The following DLGAP1 variants were observed in gnomAD, a reference collection of about 807,000 sequenced individuals.
DLGAP1 encodes DLG associated protein 1.
A neutral mutation model predicts 90.8 loss-of-function variants in DLGAP1; 11 were observed. That is an observed-to-expected ratio of 0.12 (90% CI 0.08 to 0.20). The LOEUF is 0.20. Ranked by LOEUF, DLGAP1 falls within the 10% of genes least tolerant of loss-of-function variation. The pLI, the probability that DLGAP1 is intolerant of heterozygous loss-of-function variation, is 1.00. For synonymous variants in DLGAP1, 558 were observed against 540.7 expected, an observed-to-expected ratio of 1.03 and a Z score of -0.44; for missense variants, 1,050 against 1,333.8, an observed-to-expected ratio of 0.79 and a Z score of 3.31.
intron 1 of DLGAP1, among the ~76,000 whole-genome samples, chr18:4,365,304 G>A (rs895293686): frequency 2.6e-5 from 4 of 152,066 alleles, no homozygotes; most frequent in Non-Finnish European, 4.4e-5. Context: ...AAGCAGAAGC[G>A]CAAACTAAAC....
intron 2 of DLGAP1, among the ~76,000 whole-genome samples, chr18:4,021,732 G>A (rs918913961): frequency 5.3e-5 from 8 of 152,080 alleles, no homozygotes; most frequent in Non-Finnish European, 8.8e-5. Context: ...CCAAGTAGCT[G>A]GGATTGCAGG....
intron 7 of DLGAP1, among the ~76,000 whole-genome samples, chr18:3,638,235 C>A (rs1174597258): frequency 6.9e-6 from 1 of 145,198 alleles, no homozygotes; most frequent in African/African-American, 2.6e-5. Context: ...GCGTGAGCCA[C>A]CGTGCCCGGC....
At chr18:4,269,579 C>T (rs952885361) in intron 1 of DLGAP1, among the ~76,000 whole-genome samples, 2 of 151,934 alleles carry the variant, frequency 1.3e-5, no homozygotes, top group Non-Finnish European at 2.9e-5. Flanking sequence ...TGGTCTCGAT[C>T]TCCTGACCTT....
intron 1 of DLGAP1, among the ~76,000 whole-genome samples, chr18:4,180,428 T>C (rs1231559695): frequency 1.3e-5 from 2 of 152,176 alleles, no homozygotes; most frequent in Non-Finnish European, 2.9e-5. Context: ...ACATTTGACA[T>C]TGCCCTTTGT....
At position 4,380,549 on chromosome 18, in the gene DLGAP1, T is replaced by C. The variant is rs559081231; in HGVS notation, c.-267+74457A>G. ...TGTGAAGGTTGGTTACTTCTATACATGCTCCCAGTCTCAAGAAGCATACCA... is the reference window on the plus strand; with the variant it reads ...TGTGAAGGTTGGTTACTTCTATACACGCTCCCAGTCTCAAGAAGCATACCA... On this transcript the variant is annotated intron_variant, in intron 1 of 12. Coordinates refer to ENST00000315677, the MANE Select transcript of DLGAP1 (RefSeq NM_004746.4). 3.3e-5 allele frequency among the ~76,000 whole-genome samples: 5 copies of C among 152,298 alleles called. No homozygotes were observed. The South Asian group carries it at 8.3e-4, about 25-fold the overall frequency.
At chr18:4,073,750 G>T (rs902021098) in intron 2 of DLGAP1, among the ~76,000 whole-genome samples, 2 of 152,084 alleles carry the variant, frequency 1.3e-5, no homozygotes, top group African/African-American at 2.4e-5. Flanking sequence ...GACACTGATA[G>T]GAGAAGATAT....
chr18:3,799,406 C>T (rs937539480), intron 5 of DLGAP1, among the ~76,000 whole-genome samples: 2 of 151,724 alleles, frequency 1.3e-5, no homozygotes, highest in Non-Finnish European at 2.9e-5. Context: ...TTCTTCATAG[C>T]GTTCCTCTCA....
chr18:3,844,991 C>T (rs986712635), intron 4 of DLGAP1, among the ~76,000 whole-genome samples: 1 of 152,152 alleles, frequency 6.6e-6, no homozygotes, highest in Non-Finnish European at 1.5e-5. Flanking sequence ...ATACACATTT[C>T]ATTCTTATTA....
intron 10 of DLGAP1, among the ~76,000 whole-genome samples, chr18:3,523,887 G>C (rs1206221783): frequency 6.6e-6 from 1 of 151,556 alleles, no homozygotes; most frequent in Non-Finnish European, 1.5e-5. Flanking sequence ...TTGACACAGG[G>C]TTTGAACAAG....
chr18:4,433,260 G>A (rs942690050), intron 1 of DLGAP1, among the ~76,000 whole-genome samples: 4 of 152,212 alleles, frequency 2.6e-5, no homozygotes, highest in Non-Finnish European at 4.4e-5. Context: ...TTATTCATCT[G>A]TAATAAGGTG....
chr18:4,033,669 C>T (rs1203395309), intron 2 of DLGAP1, among the ~76,000 whole-genome samples: 2 of 151,662 alleles, frequency 1.3e-5, no homozygotes, highest in African/African-American at 4.8e-5. Context: ...TATTTTTTTC[C>T]AAATAATTCG....
intron 7 of DLGAP1, among the ~76,000 whole-genome samples, chr18:3,712,096 G>A (rs1381806750): frequency 6.6e-6 from 1 of 152,164 alleles, no homozygotes; most frequent in Non-Finnish European, 1.5e-5. Flanking sequence ...TTTTCTTTCT[G>A]CTCCTGAAGG....
chr18:3,807,578 CCCTCCTACTTAAAA>C, intron 5 of DLGAP1, among the ~76,000 whole-genome samples: 1 of 152,260 alleles, frequency 6.6e-6, no homozygotes, highest in Admixed American at 6.5e-5. Flanking sequence ...ATGTAAATAT[CCCTCCTACTTAAAA>C]AAAAATTATT....
chr18:3,879,191 TG>T lies in DLGAP1; in HGVS notation c.877del (p.Gln293ArgfsTer5). The T allele has an allele frequency of 6.5e-7, 1 of 1,533,310 alleles. No homozygotes were observed. Among genetic ancestry groups the T allele is most frequent in the Non-Finnish European group, 8.8e-7 (1 of 1,140,916 alleles). 95.0% of individuals were successfully genotyped at this position (1,533,310 alleles called of 1,614,324 possible). A position where few individuals can be genotyped will look rare whatever the true frequency, so the allele number is the denominator to read the frequency against. On this transcript the variant is annotated frameshift_variant, in exon 4 of 13. Transcript: ENST00000315677. LOFTEE classifies it high-confidence loss of function. This position sits in a 1 kb window ranked among gnomAD's most constrained non-coding sequence, Gnocchi z 6.6. ...LTVSRAREVY[Q>X]KASVNMDQAM... ...CTGGTCCATGTTCACCGAGGCCTTCTGGTAAACCTCCCGGGCCCGGCTCACG... is the reference window on the plus strand; with the variant it reads ...CTGGTCCATGTTCACCGAGGCCTTCTGTAAACCTCCCGGGCCCGGCTCACG...
chr18:3,567,043 T>TTCATTCATTCATTCATTCATTCATTTA (rs11421156), intron 9 of DLGAP1, among the ~76,000 whole-genome samples: 2 of 96,778 alleles, frequency 2.1e-5, no homozygotes, highest in African/African-American at 1.2e-4. Flanking sequence ...TATCTTCTTT[T>TTCATTCATTCATTCATTCATTCATTTA]TCATTCATTC....
intron 4 of DLGAP1, among the ~76,000 whole-genome samples, chr18:3,820,755 G>T (rs2067363092): frequency 6.6e-6 from 1 of 152,128 alleles, no homozygotes; most frequent in South Asian, 2.1e-4. Context: ...CAGTGCCTAT[G>T]TTACTTTATG....
At chr18:4,291,980 G>A (rs2079860634) in intron 1 of DLGAP1, among the ~76,000 whole-genome samples, 1 of 152,122 alleles carries the variant, frequency 6.6e-6, no homozygotes, top group African/African-American at 2.4e-5. Flanking sequence ...CTGGGGTACT[G>A]TTGACATTTG....
chr18:3,853,317 T>C (rs1264968070), intron 4 of DLGAP1, among the ~76,000 whole-genome samples: 1 of 152,136 alleles, frequency 6.6e-6, no homozygotes, highest in East Asian at 1.9e-4. Flanking sequence ...GAATTTCAGA[T>C]TTTTTCGGAT....
chr18:4,385,359 G>A (rs979929088), intron 1 of DLGAP1, among the ~76,000 whole-genome samples: 3 of 152,124 alleles, frequency 2.0e-5, no homozygotes, highest in Non-Finnish European at 2.9e-5. Context: ...TTCAGGAAAA[G>A]TTAGCTCTCA....
Sources: gnomAD v4.1 joint callset for allele counts (sites outside exome capture counted in the v4.1 genomes callset) on GRCh38, gnomAD v4.1.1 for gene constraint, Gnocchi (gnomAD v3.1) non-coding constraint, MANE v1.5 for transcripts, NCBI Gene and HGNC (gene_info 2026-07-23, HGNC 2026-07-21) for gene names.